The following KCNQ1OT1 variants were observed in gnomAD, a reference collection of about 807,000 sequenced individuals.
KCNQ1OT1 encodes KCNQ1 antisense RNA 2 (non-protein coding).
exon 1 of KCNQ1OT1, chr11:2,665,040 C>T (rs1056212753): frequency 5.0e-6 from 2 of 398,532 alleles, no homozygotes; most frequent in Admixed American, 4.4e-5. Context: ...GGTGAGCAGG[C>T]CTGATGCAAG....
At chr11:2,616,164 T>A (rs1849060084) in exon 1 of KCNQ1OT1, 1 of 397,950 alleles carries the variant, frequency 2.5e-6, no homozygotes. Flanking sequence ...TTTATCACAC[T>A]TTTTATTTCT....
In KCNQ1OT1 at chr11:2,688,988, G is replaced by A. The variant is rs1252852257; in HGVS notation, n.11007C>T. Reference sequence around the variant, plus strand: ...GAGTAGGGGTCTGATCTGGAGAGCAGGGGAGCCTGCAGGTCCCTGGGTTGG... The same window carrying A: ...GAGTAGGGGTCTGATCTGGAGAGCAAGGGAGCCTGCAGGTCCCTGGGTTGG... On this transcript the variant is annotated non_coding_transcript_exon_variant, in exon 1 of 1. Transcript: ENST00000597346. The A allele has an allele frequency of 2.3e-5, 9 of 398,790 alleles. No homozygotes were observed. The East Asian group carries it at 3.2e-4, about 14-fold the overall frequency. 24.7% of individuals were successfully genotyped at this position (398,790 alleles called of 1,614,324 possible).
Position 2,678,235 on chromosome 11 carries a change from T to C in KCNQ1OT1, n.21760A>G. ...TGTGTCAGTCTTTTATGGTTTGAGGTCCTTATCTTAAATTCTGAAATAACC... is the reference window on the plus strand; with the variant it reads ...TGTGTCAGTCTTTTATGGTTTGAGGCCCTTATCTTAAATTCTGAAATAACC... On this transcript the variant is annotated non_coding_transcript_exon_variant, in exon 1 of 1. Coordinates refer to ENST00000597346, the Ensembl canonical transcript of KCNQ1OT1. The surrounding 1 kb of genome is among the most constrained non-coding windows in gnomAD (Gnocchi z 4.9). The C allele has an allele frequency of 2.5e-6, 1 of 398,408 alleles. No homozygotes were observed. Among genetic ancestry groups the C allele is most frequent in the East Asian group, 3.6e-5 (1 of 28,004 alleles). 24.7% of individuals were successfully genotyped at this position (398,408 alleles called of 1,614,324 possible). A position where few individuals can be genotyped will look rare whatever the true frequency, so the allele number is the denominator to read the frequency against.
At position 2,682,125 on chromosome 11, in the gene KCNQ1OT1, G is replaced by T; in HGVS notation, n.17870C>A. On this transcript the variant is annotated non_coding_transcript_exon_variant, in exon 1 of 1. Transcript: ENST00000597346. This position sits in a 1 kb window ranked among gnomAD's most constrained non-coding sequence, Gnocchi z 5.8. Reference sequence around the variant, plus strand: ...AGGGAGCCGTGGATCTGCAGGAGATGTCCCAGCTCATCAAATATTCTTTCA... The same window carrying T: ...AGGGAGCCGTGGATCTGCAGGAGATTTCCCAGCTCATCAAATATTCTTTCA... 1 of 398,616 alleles carries T rather than the reference G, an allele frequency of 2.5e-6. No homozygotes were observed. The highest frequency in any genetic ancestry group is 4.4e-6 in the Non-Finnish European group (1 of 226,094). 24.7% of individuals were successfully genotyped at this position (398,616 alleles called of 1,614,324 possible).
At chr11:2,649,513 A>G (rs1849725545) in exon 1 of KCNQ1OT1, 1 of 398,446 alleles carries the variant, frequency 2.5e-6, no homozygotes, top group Admixed American at 4.4e-5. Context: ...TGAGGGAGGC[A>G]AAATTTCTTC....
In KCNQ1OT1 at chr11:2,669,114, G is replaced by A. The variant is rs1053767137; in HGVS notation, n.30881C>T. ...ACAATCAGCTCACTGGCTACGTGTG[G>A]CTCTGTTTCTGGACCCTATTGGGTG... On this transcript the variant is annotated non_coding_transcript_exon_variant, in exon 1 of 1. Coordinates refer to ENST00000597346, the Ensembl canonical transcript of KCNQ1OT1. The surrounding 1 kb of genome is among the most constrained non-coding windows in gnomAD (Gnocchi z 5.6). The A allele has an allele frequency of 5.0e-6, 2 of 398,674 alleles. No homozygotes were observed. The highest frequency in any genetic ancestry group is 8.8e-6 in the Non-Finnish European group (2 of 226,112). 24.7% of individuals were successfully genotyped at this position (398,674 alleles called of 1,614,324 possible).
exon 1 of KCNQ1OT1, chr11:2,644,233 C>T (rs981237677): frequency 2.5e-6 from 1 of 398,350 alleles, no homozygotes; most frequent in Non-Finnish European, 4.4e-6. Flanking sequence ...AAGGTGTCAC[C>T]TTATGGCATC....
Position 2,678,124 on chromosome 11 carries a change from A to G in KCNQ1OT1, n.21871T>C. On this transcript the variant is annotated non_coding_transcript_exon_variant, in exon 1 of 1. Coordinates refer to ENST00000597346, the Ensembl canonical transcript of KCNQ1OT1. This position sits in a 1 kb window ranked among gnomAD's most constrained non-coding sequence, Gnocchi z 4.9. ...TTGCTTTGTCATATTCATTGAAAAT[A>G]TTTTATCCTCATTTTCCTTAGGTGT... 1 of 398,242 alleles carries G rather than the reference A, an allele frequency of 2.5e-6. No individual in the cohort carries two copies. The highest frequency in any genetic ancestry group is 3.6e-5 in the East Asian group (1 of 27,994). The allele number at this position is 398,242 out of a possible 1,614,324, so 24.7% of individuals were successfully genotyped here.
rs959259455 is a variant in KCNQ1OT1 at position 2,644,270 on chromosome 11, C to G, written n.55725G>C. On this transcript the variant is annotated non_coding_transcript_exon_variant, in exon 1 of 1. Transcript: ENST00000597346. The stretch of plus-strand genomic sequence containing the variant: ...TATAGTCACATAGCCTTTGTTCATT[C>G]TTTTCTATTTTTTCTATATTTTTGT... The G allele has an allele frequency of 7.5e-6, 3 of 398,242 alleles. No individual in the cohort carries two copies. The Admixed American group carries it at 1.3e-4, about 18-fold the overall frequency. 24.7% of individuals were successfully genotyped at this position (398,242 alleles called of 1,614,324 possible).
chr11:2,680,131 ATCTGCCCGCC>A (rs1413079797), exon 1 of KCNQ1OT1: 32 of 394,880 alleles, frequency 8.1e-5, no homozygotes, highest in Middle Eastern at 6.3e-4. Context: ...ACCTCAAGTG[ATCTGCCCGCC>A]TCAGCCTCCT....
chr11:2,686,495 C>G (rs1850492299), exon 1 of KCNQ1OT1: 1 of 398,578 alleles, frequency 2.5e-6, no homozygotes, highest in African/African-American at 2.1e-5. Context: ...CCACCCTCAC[C>G]CAGTGTTGAG....
In KCNQ1OT1 at chr11:2,685,124, T is replaced by C. The variant is rs1021896003; in HGVS notation, n.14871A>G. ...CCTTTTGGCACGGGGGGTCTGATGG[T>C]CAGAGCTAATCAGGTGTGGAAGAAG... On this transcript the variant is annotated non_coding_transcript_exon_variant, in exon 1 of 1. Coordinates refer to ENST00000597346, the Ensembl canonical transcript of KCNQ1OT1. 12 of 398,522 alleles carry C rather than the reference T, an allele frequency of 3.0e-5. No homozygotes were observed. The highest frequency in any genetic ancestry group is 1.4e-4 in the African/African-American group (7 of 48,614). 24.7% of individuals were successfully genotyped at this position (398,522 alleles called of 1,614,324 possible).
At chr11:2,650,751 A>G in exon 1 of KCNQ1OT1, 2 of 398,590 alleles carry the variant, frequency 5.0e-6, no homozygotes, top group Non-Finnish European at 8.8e-6. Context: ...TCACTTTGCT[A>G]CCCACAGGCA....
At chr11:2,646,534 C>T in exon 1 of KCNQ1OT1, 1 of 398,526 alleles carries the variant, frequency 2.5e-6, no homozygotes, top group Non-Finnish European at 4.4e-6. Context: ...TTGGGGGAGG[C>T]AGGGGAGTGC....
exon 1 of KCNQ1OT1, chr11:2,633,561 T>G (rs1342475293): frequency 2.5e-6 from 1 of 398,444 alleles, no homozygotes; most frequent in Non-Finnish European, 4.4e-6. Flanking sequence ...TGAGAGATAG[T>G]ATAGTTTCAT....
rs139115580 is a variant in KCNQ1OT1, at chr11:2,659,118, A to C, written n.40877T>G. On this transcript the variant is annotated non_coding_transcript_exon_variant, in exon 1 of 1. Coordinates refer to ENST00000597346, the Ensembl canonical transcript of KCNQ1OT1. The surrounding 1 kb of genome is among the most constrained non-coding windows in gnomAD (Gnocchi z 4.3). ...CTCCAACATCCGGGTTAATTTTTTA[A>C]ATTTGCATACAGTAAAATCCACTCT... The C allele has an allele frequency of 2.5e-3, 1,002 of 398,546 alleles. 5 individuals carry two copies. Among genetic ancestry groups the C allele is most frequent in the African/African-American group, 0.018 (892 of 48,716 alleles). The allele number at this position is 398,546 out of a possible 1,614,324, so 24.7% of individuals were successfully genotyped here.
chr11:2,682,370 A>G lies in KCNQ1OT1; in HGVS notation n.17625T>C, dbSNP rs971389267. The G allele has an allele frequency of 3.8e-5, 15 of 398,490 alleles. No individual in the cohort carries two copies. The highest frequency in any genetic ancestry group is 6.6e-5 in the Non-Finnish European group (15 of 226,086). 24.7% of individuals were successfully genotyped at this position (398,490 alleles called of 1,614,324 possible). A position where few individuals can be genotyped will look rare whatever the true frequency, so the allele number is the denominator to read the frequency against. On this transcript the variant is annotated non_coding_transcript_exon_variant, in exon 1 of 1. Transcript: ENST00000597346. The surrounding 1 kb of genome is among the most constrained non-coding windows in gnomAD (Gnocchi z 5.8). Reference sequence around the variant, plus strand: ...GGTTTACTGGCTGGCTCCTTCTATCACATTCAAGGAGCATGAGGGTATAGG... The same window carrying G: ...GGTTTACTGGCTGGCTCCTTCTATCGCATTCAAGGAGCATGAGGGTATAGG...
chr11:2,687,920 GTGAGGCTGCA>G lies in KCNQ1OT1; in HGVS notation n.12065_12074del, dbSNP rs1850518652. 2.5e-6 allele frequency: 1 copy of G among 398,654 alleles called. No individual in the cohort carries two copies. The highest frequency in any genetic ancestry group is 1.3e-4 in the South Asian group (1 of 7,872). The allele number at this position is 398,654 out of a possible 1,614,324, so 24.7% of individuals were successfully genotyped here. A position where few individuals can be genotyped will look rare whatever the true frequency, so the allele number is the denominator to read the frequency against. On this transcript the variant is annotated non_coding_transcript_exon_variant, in exon 1 of 1. Coordinates refer to ENST00000597346, the Ensembl canonical transcript of KCNQ1OT1. This position sits in a 1 kb window ranked among gnomAD's most constrained non-coding sequence, Gnocchi z 5.0. The stretch of plus-strand genomic sequence containing the variant: ...GTGGGATGGAAAATCCCCAGCAGTT[GTGAGGCTGCA>G]CTTCTCCCACCCGCTGTGGGTCAGC...
chr11:2,685,100 C>A (rs1850461350), exon 1 of KCNQ1OT1: 1 of 398,624 alleles, frequency 2.5e-6, no homozygotes, highest in East Asian at 3.6e-5. Context: ...GGAAGGGGCC[C>A]TTTTGGCACG....
Sources: allele counts gnomAD v4.1 joint callset, GRCh38; gene constraint gnomAD v4.1.1; non-coding constraint Gnocchi (gnomAD v3.1); transcripts MANE v1.5; gene names NCBI Gene and HGNC (gene_info 2026-07-23, HGNC 2026-07-21).